CNTLN: variants seen among roughly 807,000 people sequenced by gnomAD.
The protein encoded by CNTLN is centlein, centrosomal protein.
CNTLN carries 212 observed loss-of-function variants against 180.0 expected under a neutral mutation model. The observed-to-expected ratio is 1.18, with a 90% CI of 1.05 to 1.32. The LOEUF (loss-of-function observed/expected upper bound fraction) is 1.32. Among genes scored for constraint, CNTLN ranks in the 40% most tolerant of loss-of-function variants. The probability of loss-of-function intolerance (pLI) is 0.00; values close to 1 mark genes in which losing one functional copy is unlikely to be tolerated. For synonymous variants in CNTLN, 722 were observed against 563.1 expected (o/e 1.28, Z -3.99); for missense variants, 2,095 against 1,610.9 (o/e 1.30, Z -5.14).
At chr9:17,187,816 A>G (rs1344714660) in intron 2 of CNTLN, among the ~76,000 whole-genome samples, 1 of 151,608 alleles carries the variant, frequency 6.6e-6, no homozygotes, top group African/African-American at 2.4e-5. Flanking sequence ...TCTTGAGTCC[A>G]ATATTGGAAC....
intron 2 of CNTLN, among the ~76,000 whole-genome samples, chr9:17,198,983 T>A (rs551394827): frequency 6.6e-6 from 1 of 152,250 alleles, no homozygotes; most frequent in East Asian, 1.9e-4. Flanking sequence ...AATGCTACAA[T>A]AAACATACAT....
chr9:17,407,844 G>A (rs985513502), intron 15 of CNTLN, among the ~76,000 whole-genome samples: 3 of 152,098 alleles, frequency 2.0e-5, no homozygotes, highest in Non-Finnish European at 4.4e-5. Flanking sequence ...TGACCAGGGA[G>A]GCTGGGCGTG....
the CNTLN span, among the ~76,000 whole-genome samples, chr9:17,527,179 G>A: frequency 1.3e-5 from 2 of 151,914 alleles, no homozygotes; most frequent in Non-Finnish European, 1.5e-5. Context: ...CACCGTGCCC[G>A]GCCACCTAAC....
rs570024191 is a variant in CNTLN at position 17,310,046 on chromosome 9, G to A, written c.1341+794G>A. On this transcript the variant is annotated intron_variant, in intron 8 of 25. Transcript: ENST00000380647. The stretch of plus-strand genomic sequence containing the variant: ...TTTGGACTTCAGGCATACAATATTG[G>A]ATCAATGATAAAATTTGTGTTATGA... Among the ~76,000 whole-genome samples the A allele has an allele frequency of 3.3e-5, 5 of 152,070 alleles. No individual in the cohort carries two copies. The East Asian group carries it at 5.8e-4, about 18-fold the overall frequency.
intron 18 of CNTLN, among the ~76,000 whole-genome samples, chr9:17,443,124 A>G (rs1348296485): frequency 1.3e-5 from 2 of 152,302 alleles, no homozygotes. Context: ...TATGCCTGCT[A>G]TCATTGTTTG....
intron 18 of CNTLN, among the ~76,000 whole-genome samples, chr9:17,430,985 G>C (rs1829383217): frequency 6.6e-6 from 1 of 152,010 alleles, no homozygotes; most frequent in Non-Finnish European, 1.5e-5. Flanking sequence ...CCGTGTCTTG[G>C]CTGTTGTGAA....
chr9:17,503,293 G>A lies in CNTLN; in HGVS notation c.*641G>A, dbSNP rs180695175. 177 of 152,140 alleles carry A rather than the reference G, an allele frequency of 1.2e-3. No homozygotes were observed. Among genetic ancestry groups the A allele is most frequent in the African/African-American group, 3.8e-3 (157 of 41,506 alleles). 9.4% of individuals were successfully genotyped at this position (152,140 alleles called of 1,614,324 possible). A position where few individuals can be genotyped will look rare whatever the true frequency, so the allele number is the denominator to read the frequency against. Reference sequence around the variant, plus strand: ...ATACGTTGTGTAGTCATATAAATTTGCAGGGAACCACAAACCCAATGTATA... The same window carrying A: ...ATACGTTGTGTAGTCATATAAATTTACAGGGAACCACAAACCCAATGTATA... On this transcript the variant is annotated 3_prime_UTR_variant, in exon 26 of 26. Coordinates refer to ENST00000380647, the MANE Select transcript of CNTLN (RefSeq NM_017738.4).
intron 8 of CNTLN, among the ~76,000 whole-genome samples, chr9:17,324,130 C>T (rs1260986501): frequency 6.6e-6 from 1 of 152,108 alleles, no homozygotes; most frequent in Admixed American, 6.5e-5. Context: ...CATTAATGCA[C>T]AAATTTTGGT....
chr9:17,494,876 CTTTTTTTT>C (rs35224903), intron 25 of CNTLN: 64 of 272,800 alleles, frequency 2.3e-4, no homozygotes, highest in East Asian at 7.5e-4. Flanking sequence ...CTATACCATA[CTTTTTTTT>C]TTTTTTTTTT....
the CNTLN span, among the ~76,000 whole-genome samples, chr9:17,519,700 G>A: frequency 6.6e-6 from 1 of 152,168 alleles, no homozygotes; most frequent in Non-Finnish European, 1.5e-5. Context: ...TTGGATTTGA[G>A]TGACCTTTTC....
At chr9:17,244,267 A>G (rs1409612897) in intron 5 of CNTLN, among the ~76,000 whole-genome samples, 1 of 150,874 alleles carries the variant, frequency 6.6e-6, no homozygotes, top group East Asian at 2.0e-4. Flanking sequence ...ACTGGAGTGC[A>G]GTGGCACGAT....
intron 5 of CNTLN, among the ~76,000 whole-genome samples, chr9:17,263,042 T>G (rs147209130): frequency 6.6e-6 from 1 of 151,386 alleles, no homozygotes; most frequent in East Asian, 1.9e-4. Context: ...TCAATTTTTT[T>G]AATTTTATTA....
At chr9:17,199,165 A>G (rs954641808) in intron 2 of CNTLN, among the ~76,000 whole-genome samples, 1 of 142,368 alleles carries the variant, frequency 7.0e-6, no homozygotes, top group African/African-American at 2.6e-5. Flanking sequence ...AAGCATTCCA[A>G]TTTCACTGCA....
At chr9:17,281,668 T>G (rs1828673259) in intron 6 of CNTLN, among the ~76,000 whole-genome samples, 1 of 152,232 alleles carries the variant, frequency 6.6e-6, no homozygotes, top group South Asian at 2.1e-4. Context: ...TACCACATTT[T>G]CTTTATCCAG....
Position 17,457,507 on chromosome 9 carries a change from C to A in CNTLN, c.3115-17C>A. 8.0e-7 allele frequency: 1 copy of A among 1,247,874 alleles called. No individual in the cohort carries two copies. The highest frequency in any genetic ancestry group is 2.0e-5 in the South Asian group (1 of 49,174). 77.3% of individuals were successfully genotyped at this position (1,247,874 alleles called of 1,614,324 possible). A position where few individuals can be genotyped will look rare whatever the true frequency, so the allele number is the denominator to read the frequency against. ...TTTAAAATATATTTATATTTATTTT[C>A]TTTTTTTAAAAAAAAGAAGCTAAAT... On this transcript the variant is annotated splice_polypyrimidine_tract_variant and intron_variant, in intron 18 of 25. Coordinates refer to ENST00000380647, the MANE Select transcript of CNTLN (RefSeq NM_017738.4).
chr9:17,354,826 A>G (rs958837144), intron 12 of CNTLN, among the ~76,000 whole-genome samples: 1 of 152,026 alleles, frequency 6.6e-6, no homozygotes, highest in African/African-American at 2.4e-5. Context: ...GCTCTTTGCA[A>G]TAAATCTTGC....
chr9:17,378,990 A>C (rs1399132161), intron 13 of CNTLN, among the ~76,000 whole-genome samples: 3 of 152,152 alleles, frequency 2.0e-5, no homozygotes, highest in Non-Finnish European at 4.4e-5. Flanking sequence ...CACCTGAAAA[A>C]ATCCCTATTT....
At chr9:17,340,785 T>A in intron 10 of CNTLN, 42 bp from the exon 11 acceptor site, 1 of 1,542,212 alleles carries the variant, frequency 6.5e-7, no homozygotes, top group Non-Finnish European at 8.7e-7. Flanking sequence ...ATATTAATAC[T>A]TTCTTCAAAC....
chr9:17,316,681 G>C (rs7861754), intron 8 of CNTLN, among the ~76,000 whole-genome samples: 124,291 of 151,484 alleles, frequency 0.82, 51,296 homozygotes, highest in Non-Finnish European at 0.87. Context: ...CTGCAATTTT[G>C]CTATTTTTAA....
Sources: gnomAD v4.1 joint callset for allele counts (sites outside exome capture counted in the v4.1 genomes callset) on GRCh38, gnomAD v4.1.1 for gene constraint, MANE v1.5 for transcripts, NCBI Gene and HGNC (gene_info 2026-07-23, HGNC 2026-07-21) for gene names.